Variants in ZNF8 observed in about 807,000 individuals in gnomAD.
ZNF8 encodes zinc finger protein 8, also known as zinc finger protein 272.
In ZNF8, 9 loss-of-function variants were observed where a neutral mutation model predicts 12.2. The observed-to-expected ratio is 0.73, with a 90% CI of 0.44 to 1.28. The LOEUF (loss-of-function observed/expected upper bound fraction) is 1.28. Ranked by LOEUF, ZNF8 falls within the 50% of genes most tolerant of loss-of-function variation. The probability of loss-of-function intolerance (pLI) is 0.00; values close to 1 mark genes in which losing one functional copy is unlikely to be tolerated. For synonymous variants in ZNF8, 274 were observed against 282.3 expected, an observed-to-expected ratio of 0.97 and a Z score of 0.30; for missense variants, 664 against 729.1, an observed-to-expected ratio of 0.91 and a Z score of 1.03.
intron 1 of ZNF8, among the ~76,000 whole-genome samples, chr19:58,282,309 A>T (rs1327300741): frequency 6.6e-6 from 1 of 152,162 alleles, no homozygotes; most frequent in South Asian, 2.1e-4. Context: ...AACTATACAG[A>T]TTCTTTGCCT....
At chr19:58,292,906 A>G (rs1381519894) in intron 3 of ZNF8, among the ~76,000 whole-genome samples, 1 of 150,408 alleles carries the variant, frequency 6.6e-6, no homozygotes, top group East Asian at 1.9e-4. Context: ...GTGTGAAGTG[A>G]CTTATATTTT....
chr19:58,295,884 CGTGT>C lies in ZNF8; in HGVS notation c.*349_*352del. The stretch of plus-strand genomic sequence containing the variant: ...TATGGTAGAGTAAATTGTAGAGTAA[CGTGT>C]ACTGACTTGGTGCAGTATTTCTCCT... On this transcript the variant is annotated 3_prime_UTR_variant, in exon 4 of 4. Coordinates refer to ENST00000621650, the MANE Select transcript of ZNF8 (RefSeq NM_021089.3). 1.7e-5 allele frequency: 4 copies of C among 234,506 alleles called. No homozygotes were observed. Among genetic ancestry groups the C allele is most frequent in the Admixed American group, 5.2e-5 (1 of 19,398 alleles). 14.5% of individuals were successfully genotyped at this position (234,506 alleles called of 1,614,324 possible).
intron 3 of ZNF8, among the ~76,000 whole-genome samples, chr19:58,290,200 G>A (rs535770507): frequency 3.9e-5 from 5 of 127,542 alleles, no homozygotes; most frequent in Admixed American, 1.0e-4. Flanking sequence ...TGCAAGCTCC[G>A]CCTCCCGGGT....
intron 3 of ZNF8, among the ~76,000 whole-genome samples, chr19:58,289,390 G>C (rs1243209966): frequency 6.6e-6 from 1 of 151,894 alleles, no homozygotes; most frequent in Non-Finnish European, 1.5e-5. Flanking sequence ...CAGCTACTCA[G>C]GAGGCTGAGG....
rs903032832 is a variant in ZNF8 at position 58,285,590 on chromosome 19, C to A, written c.67-127C>A. ...AATAGGTGCCCAGTGAGACCTGACT[C>A]CCATCATTCATAACGTGCAGTCTCT... On this transcript the variant is annotated intron_variant, in intron 1 of 3. Coordinates refer to ENST00000621650, the MANE Select transcript of ZNF8 (RefSeq NM_021089.3). The A allele has an allele frequency of 2.3e-5, 31 of 1,356,650 alleles. No homozygotes were observed. In the East Asian group the frequency reaches 6.6e-4, roughly 29 times the overall value. The allele number at this position is 1,356,650 out of a possible 1,614,324, so 84.0% of individuals were successfully genotyped here. A position where few individuals can be genotyped will look rare whatever the true frequency, so the allele number is the denominator to read the frequency against.
At position 58,301,147 on chromosome 19, in the gene ZNF8, TC is replaced by T. The variant is rs935590935; in HGVS notation, c.*5615del. Reference sequence around the variant, plus strand: ...CAACTCCCCGAGGTGTGCCGAAAGCTCCCCAAACCCAGCCTACCCCAAACAA... The same window carrying T: ...CAACTCCCCGAGGTGTGCCGAAAGCTCCCAAACCCAGCCTACCCCAAACAA... On this transcript the variant is annotated 3_prime_UTR_variant, in exon 4 of 4. Transcript: ENST00000621650. 6.6e-6 allele frequency: 1 copy of T among 152,090 alleles called. No individual in the cohort carries two copies. Among genetic ancestry groups the T allele is most frequent in the Non-Finnish European group, 1.5e-5 (1 of 68,064 alleles). The allele number at this position is 152,090 out of a possible 1,614,324, so 9.4% of individuals were successfully genotyped here. A position where few individuals can be genotyped will look rare whatever the true frequency, so the allele number is the denominator to read the frequency against.
intron 3 of ZNF8, among the ~76,000 whole-genome samples, chr19:58,291,978 A>G (rs187963442): frequency 3.9e-5 from 6 of 152,134 alleles, no homozygotes; most frequent in African/African-American, 1.4e-4. Context: ...CATGGTGGAG[A>G]AGGGCACAGG....
At chr19:58,279,679 G>A (rs1456918045) in intron 1 of ZNF8, 2 of 1,532,458 alleles carry the variant, frequency 1.3e-6, no homozygotes, top group East Asian at 4.9e-5. Flanking sequence ...AGTGTGATGA[G>A]AGTGACCACC....
At position 58,297,461 on chromosome 19, in the gene ZNF8, G is replaced by A. The variant is rs1224030112; in HGVS notation, c.*1925G>A. On this transcript the variant is annotated 3_prime_UTR_variant, in exon 4 of 4. Transcript: ENST00000621650. ...AGAGTCTCACTCTTTTGCCCAGGCT[G>A]GAGTCAGTGTTGTAATCACTGCTCA... is the stretch of plus-strand genomic sequence containing the variant. The A allele has an allele frequency of 6.6e-6, 1 of 150,828 alleles. No individual in the cohort carries two copies. The highest frequency in any genetic ancestry group is 1.5e-5 in the Non-Finnish European group (1 of 67,838). The allele number at this position is 150,828 out of a possible 1,614,324, so 9.3% of individuals were successfully genotyped here.
At chr19:58,287,696 C>T (rs2051392423) in intron 3 of ZNF8, among the ~76,000 whole-genome samples, 1 of 127,324 alleles carries the variant, frequency 7.9e-6, no homozygotes, top group African/African-American at 2.9e-5. Context: ...GGCTGGAGTA[C>T]AGTTGCATTA....
rs137913104 is a variant in ZNF8, at chr19:58,294,523, A to T, written c.715A>T (p.Ser239Cys). 1.9e-6 allele frequency: 3 copies of T among 1,614,240 alleles called. No homozygotes were observed. In the South Asian group the frequency reaches 3.3e-5, roughly 18 times the overall value. The change falls in exon 4 of 4, where the codon AGT becomes TGT. Residue 239 changes from serine (S) to cysteine (C), a missense_variant. Ser to Cys is a moderately radical substitution (Grantham distance 112, BLOSUM62 -1). Coordinates refer to ENST00000621650, the MANE Select transcript of ZNF8 (RefSeq NM_021089.3). This position sits in a 1 kb window ranked among gnomAD's most constrained non-coding sequence, Gnocchi z 5.5. The part of the protein sequence containing the change: ...GENSDCHRDS[S>C]QAIPITELTK... ...AAACAGTGACTGTCACAGAGATTCC[A>T]GTCAGGCCATTCCAATTACGGAACT...
chr19:58,296,266 T>C lies in ZNF8; in HGVS notation c.*730T>C, dbSNP rs1473671081. ...CCATCTTGGCAGCATGCATGGCTCCTGCCCACATTTCAACCACACCCCCAA... is the reference window on the plus strand; with the variant it reads ...CCATCTTGGCAGCATGCATGGCTCCCGCCCACATTTCAACCACACCCCCAA... On this transcript the variant is annotated 3_prime_UTR_variant, in exon 4 of 4. Coordinates refer to ENST00000621650, the MANE Select transcript of ZNF8 (RefSeq NM_021089.3). 6.6e-6 allele frequency: 1 copy of C among 152,256 alleles called. No individual in the cohort carries two copies. Among genetic ancestry groups the C allele is most frequent in the Non-Finnish European group, 1.5e-5 (1 of 68,076 alleles). 9.4% of individuals were successfully genotyped at this position (152,256 alleles called of 1,614,324 possible). A position where few individuals can be genotyped will look rare whatever the true frequency, so the allele number is the denominator to read the frequency against.
intron 1 of ZNF8, chr19:58,279,441 T>G (rs260501): frequency 0.65 from 943,903 of 1,449,390 alleles, 308,575 homozygotes; most frequent in Middle Eastern, 0.75. Context: ...TCCTGCGTTC[T>G]GCTCCGCCCC....
chr19:58,286,337 A>C, intron 3 of ZNF8, 132 bp downstream of exon 3: 1 of 690,842 alleles, frequency 1.4e-6, no homozygotes, highest in South Asian at 1.8e-5. Context: ...AGGACTCAGC[A>C]TAGAGTCATG....
chr19:58,287,084 G>A (rs1388570387), intron 3 of ZNF8, among the ~76,000 whole-genome samples: 1 of 152,176 alleles, frequency 6.6e-6, no homozygotes, highest in African/African-American at 2.4e-5. Context: ...CTATCGCCTA[G>A]GCTGGAGTGC....
chr19:58,283,062 C>T (rs1449739593), intron 1 of ZNF8, among the ~76,000 whole-genome samples: 2 of 151,380 alleles, frequency 1.3e-5, no homozygotes, highest in Non-Finnish European at 2.9e-5. Flanking sequence ...GCTGCAACCT[C>T]CACTTTCCAG....
At chr19:58,284,447 G>A (rs2051370292) in intron 1 of ZNF8, among the ~76,000 whole-genome samples, 1 of 152,240 alleles carries the variant, frequency 6.6e-6, no homozygotes, top group African/African-American at 2.4e-5. Context: ...AAGTGACTGA[G>A]CCAAGACTCT....
chr19:58,292,608 G>T (rs2147959950), intron 3 of ZNF8, among the ~76,000 whole-genome samples: 1 of 152,268 alleles, frequency 6.6e-6, no homozygotes, highest in Non-Finnish European at 1.5e-5. Flanking sequence ...CTGCCAACCA[G>T]TAACCTACTT....
rs1159653044 is a variant in ZNF8, at chr19:58,300,034, TTC to T, written c.*4500_*4501del. 6.6e-6 allele frequency: 1 copy of T among 152,272 alleles called. No homozygotes were observed. 9.4% of individuals were successfully genotyped at this position (152,272 alleles called of 1,614,324 possible). On this transcript the variant is annotated 3_prime_UTR_variant, in exon 4 of 4. Coordinates refer to ENST00000621650, the MANE Select transcript of ZNF8 (RefSeq NM_021089.3). ...GGCCTCCTACCTTGGACTGCGCCAC[TTC>T]TGTCTCCTTAGATAACCTCCATTCG...
Sources: allele counts gnomAD v4.1 joint callset (sites outside exome capture counted in the v4.1 genomes callset), GRCh38; gene constraint gnomAD v4.1.1; non-coding constraint Gnocchi (gnomAD v3.1); transcripts MANE v1.5; gene names NCBI Gene and HGNC (gene_info 2026-07-23, HGNC 2026-07-21).